Variants in ALKAL1 observed in about 807,000 individuals in gnomAD.
ALKAL1 encodes ALK and LTK ligand 1.
ALKAL1 carries 23 observed loss-of-function variants against 13.5 expected under a neutral mutation model. The observed-to-expected ratio is 1.70, with a 90% CI of 1.23 to 2.41. The LOEUF (loss-of-function observed/expected upper bound fraction) is 2.41, where lower values mean the gene tolerates loss of function less well. Ranked by LOEUF, ALKAL1 falls within the 30% of genes most tolerant of loss-of-function variation. The pLI is 0.00. For missense variants in ALKAL1, 181 were observed against 178.4 expected, an observed-to-expected ratio of 1.01 and a Z score of -0.08; for synonymous variants, 85 against 77.7, an observed-to-expected ratio of 1.09 and a Z score of -0.49.
At chr8:52,561,417 G>A (rs1466631273) in intron 1 of ALKAL1, among the ~76,000 whole-genome samples, 1 of 152,212 alleles carries the variant, frequency 6.6e-6, no homozygotes, top group African/African-American at 2.4e-5. Flanking sequence ...TGGATGAATA[G>A]AATTCCAGCA....
At chr8:52,562,721 A>C (rs2150348685) in intron 1 of ALKAL1, among the ~76,000 whole-genome samples, 1 of 152,322 alleles carries the variant, frequency 6.6e-6, no homozygotes, top group Non-Finnish European at 1.5e-5. Context: ...CAGGTACGTT[A>C]GGCCTGGGTG....
At chr8:52,549,297 A>G (rs955581004) in intron 1 of ALKAL1, among the ~76,000 whole-genome samples, 1 of 152,110 alleles carries the variant, frequency 6.6e-6, no homozygotes, top group Non-Finnish European at 1.5e-5. Context: ...TTCAAAAATA[A>G]GAACAATTAC....
intron 1 of ALKAL1, among the ~76,000 whole-genome samples, chr8:52,563,251 T>C (rs1251231816): frequency 6.6e-6 from 1 of 152,122 alleles, no homozygotes; most frequent in African/African-American, 2.4e-5. Flanking sequence ...AAATCCCATC[T>C]CTACTAAAAC....
chr8:52,563,357 G>T (rs956198549), intron 1 of ALKAL1, among the ~76,000 whole-genome samples: 3 of 152,154 alleles, frequency 2.0e-5, no homozygotes, highest in African/African-American at 7.2e-5. Flanking sequence ...CTTGAACCCG[G>T]GAGGCGGAGG....
rs58460901 is a variant in ALKAL1, at chr8:52,548,071, G to A, written c.191-5626C>T. ...TAAGTCTGAAATGTAACTTTACGCC[G>A]GGTGCAGTGGCTTATGCCTGTAATC... On this transcript the variant is annotated intron_variant, in intron 1 of 4. Transcript: ENST00000358543. 3.6e-3 allele frequency among the ~76,000 whole-genome samples: 553 copies of A among 152,240 alleles called. 4 individuals carry two copies. Among genetic ancestry groups the A allele is most frequent in the African/African-American group, 0.013 (536 of 41,542 alleles).
At chr8:52,560,088 A>C (rs1847532010) in intron 1 of ALKAL1, among the ~76,000 whole-genome samples, 2 of 152,158 alleles carry the variant, frequency 1.3e-5, no homozygotes, top group Non-Finnish European at 2.9e-5. Flanking sequence ...ATATCAAACT[A>C]ATATGAGTTT....
At chr8:52,538,673 A>G (rs894594315) in intron 3 of ALKAL1, among the ~76,000 whole-genome samples, 166 bp from the exon 4 acceptor site, 3 of 152,186 alleles carry the variant, frequency 2.0e-5, no homozygotes, top group African/African-American at 4.8e-5. Context: ...CAATAACACA[A>G]TCGGGAAGGT....
chr8:52,561,762 C>T (rs1367862382), intron 1 of ALKAL1, among the ~76,000 whole-genome samples: 1 of 152,164 alleles, frequency 6.6e-6, no homozygotes, highest in Non-Finnish European at 1.5e-5. Flanking sequence ...TCTCCTTAAG[C>T]TCCATGTCAG....
chr8:52,547,136 CA>C (rs1345194851), intron 1 of ALKAL1, among the ~76,000 whole-genome samples: 6 of 152,098 alleles, frequency 3.9e-5, no homozygotes, highest in Non-Finnish European at 5.9e-5. Flanking sequence ...AATGAATTTG[CA>C]TTTAGTGACT....
At chr8:52,564,998 C>A (rs1847585062) in intron 1 of ALKAL1, 69 bp downstream of exon 1, 1 of 1,243,584 alleles carries the variant, frequency 8.0e-7, no homozygotes. Flanking sequence ...GTGCCTCGCC[C>A]AGCTCCTAGG....
chr8:52,558,162 GTA>G (rs201465142), intron 1 of ALKAL1, among the ~76,000 whole-genome samples: 1 of 147,542 alleles, frequency 6.8e-6, no homozygotes, highest in African/African-American at 2.5e-5. Context: ...ATATACACAC[GTA>G]TATATATACA....
In ALKAL1 at chr8:52,539,887, C is replaced by T; in HGVS notation, c.269G>A (p.Cys90Tyr). The change falls in exon 3 of 5, where the codon TGC (cysteine) becomes TAC (tyrosine). Residue 90 changes from cysteine (C) to tyrosine (Y), a missense_variant. Transcript: ENST00000358543. ...ATAGAGTCGGTGGAAATGTTTGCTG[C>T]ATTCTGGTGAAAATGTGACCGGCCC... ...FTGPVTFSPE[C>Y]SKHFHRLYYN... The T allele has an allele frequency of 6.2e-7, 1 of 1,613,580 alleles. No individual in the cohort carries two copies. The highest frequency in any genetic ancestry group is 1.1e-5 in the South Asian group (1 of 91,022).
chr8:52,552,502 A>G (rs577540897), intron 1 of ALKAL1, among the ~76,000 whole-genome samples: 13 of 152,322 alleles, frequency 8.5e-5, no homozygotes, highest in African/African-American at 3.1e-4. Context: ...CTTTGAGGAC[A>G]TAGTATCTAC....
At chr8:52,539,300 A>G (rs944718909) in intron 3 of ALKAL1, among the ~76,000 whole-genome samples, 1 of 152,222 alleles carries the variant, frequency 6.6e-6, no homozygotes, top group Non-Finnish European at 1.5e-5. Flanking sequence ...TCGGCACTTC[A>G]AATGAGAGCA....
chr8:52,555,300 T>C (rs1847471846), intron 1 of ALKAL1, among the ~76,000 whole-genome samples: 1 of 152,024 alleles, frequency 6.6e-6, no homozygotes, highest in African/African-American at 2.4e-5. Context: ...GGATATTGGA[T>C]TTTGCCCTGT....
At chr8:52,544,535 G>A (rs551338032) in intron 1 of ALKAL1, among the ~76,000 whole-genome samples, 1 of 152,232 alleles carries the variant, frequency 6.6e-6, no homozygotes, top group East Asian at 1.9e-4. Flanking sequence ...TGGGTGATGA[G>A]AAGTCAAAAG....
chr8:52,560,670 C>T (rs1449498784), intron 1 of ALKAL1, among the ~76,000 whole-genome samples: 1 of 152,214 alleles, frequency 6.6e-6, no homozygotes, highest in East Asian at 1.9e-4. Context: ...CCTCACTTAG[C>T]AGCTCGATAA....
At chr8:52,559,416 G>A (rs1847516298) in intron 1 of ALKAL1, among the ~76,000 whole-genome samples, 1 of 152,018 alleles carries the variant, frequency 6.6e-6, no homozygotes, top group Admixed American at 6.5e-5. Flanking sequence ...GTTTGGGGAG[G>A]GCAGATAGAA....
intron 4 of ALKAL1, among the ~76,000 whole-genome samples, chr8:52,536,486 C>T (rs1452082394): frequency 6.6e-6 from 1 of 152,152 alleles, no homozygotes; most frequent in Non-Finnish European, 1.5e-5. Context: ...TACTCTATTG[C>T]CCAAGGGCTC....
Sources: gnomAD v4.1 joint callset for allele counts (sites outside exome capture counted in the v4.1 genomes callset) on GRCh38, gnomAD v4.1.1 for gene constraint, MANE v1.5 for transcripts, NCBI Gene and HGNC (gene_info 2026-07-23, HGNC 2026-07-21) for gene names.